Variants in GCLC observed in about 807,000 individuals in gnomAD.
GCLC encodes glutamate-cysteine ligase catalytic subunit, also known as glutamate--cysteine ligase catalytic subunit.
Under a neutral mutation model 81.5 loss-of-function variants are expected in GCLC, and 30 were observed. The observed-to-expected ratio is 0.37, with a 90% confidence interval of 0.28 to 0.50. The LOEUF (loss-of-function observed/expected upper bound fraction) is 0.50. Among genes scored for constraint, GCLC ranks in the 20% least tolerant of loss-of-function variants. GCLC has a pLI of 0.96. For synonymous variants in GCLC, 262 were observed against 273.3 expected, an observed-to-expected ratio of 0.96 and a Z score of 0.41; for missense variants, 556 against 777.4, an observed-to-expected ratio of 0.72 and a Z score of 3.39.
intron 1 of GCLC, among the ~76,000 whole-genome samples, chr6:53,542,068 G>A (rs992787056): frequency 5.3e-5 from 8 of 152,096 alleles, no homozygotes; most frequent in African/African-American, 1.4e-4. Context: ...TATTGCCCAG[G>A]CTGGCCTTCA....
chr6:53,537,748 C>A (rs1024353428), intron 1 of GCLC, among the ~76,000 whole-genome samples: 7 of 151,430 alleles, frequency 4.6e-5, no homozygotes, highest in South Asian at 2.1e-4. Flanking sequence ...TAAAAAAAAA[C>A]CAAAAAACCC....
intron 11 of GCLC, 37 bp from the exon 12 acceptor site, chr6:53,505,533 C>T: frequency 9.3e-7 from 1 of 1,070,888 alleles, no homozygotes; most frequent in East Asian, 2.4e-5. Flanking sequence ...TATGAACCAA[C>T]TACACAAACA....
intron 6 of GCLC, 120 bp downstream of exon 6, chr6:53,514,084 C>T: frequency 1.1e-6 from 1 of 916,580 alleles, no homozygotes; most frequent in Non-Finnish European, 1.8e-6. Flanking sequence ...AAAGGCATAC[C>T]AGCTACCATT....
chr6:53,501,787 TTC>T (rs1401210613), intron 12 of GCLC, among the ~76,000 whole-genome samples: 4 of 152,246 alleles, frequency 2.6e-5, no homozygotes, highest in Non-Finnish European at 4.4e-5. Flanking sequence ...TAATATTTGT[TTC>T]TTTTTTCCTT....
intron 12 of GCLC, among the ~76,000 whole-genome samples, chr6:53,504,288 C>A (rs992641529): frequency 6.6e-6 from 1 of 152,032 alleles, no homozygotes; most frequent in East Asian, 1.9e-4. Flanking sequence ...TGGATTCAAG[C>A]AATCCTCCTG....
Position 53,497,645 on chromosome 6 carries a change from T to C in GCLC, c.*1111A>G, listed in dbSNP as rs1357829227. On this transcript the variant is annotated 3_prime_UTR_variant, in exon 16 of 16. Coordinates refer to ENST00000650454, the MANE Select transcript of GCLC (RefSeq NM_001498.4). ...TTTCAGAAGCAGTTGACTTAACTAG[T>C]TGAGAAAAAAAACAACAAACTTCAA... 2 of 127,666 alleles carry C rather than the reference T, an allele frequency of 1.6e-5. No homozygotes were observed. The highest frequency in any genetic ancestry group is 2.3e-4 in the East Asian group (1 of 4,374). The allele number at this position is 127,666 out of a possible 1,614,324, so 7.9% of individuals were successfully genotyped here.
Position 53,500,091 on chromosome 6 carries a change from T to C in GCLC, c.1656A>G (p.Arg552=), listed in dbSNP as rs1279996340. ...LENMEVDVDT[R]CSILNYLKLI... is the part of the protein sequence containing the mutation. ...GCTTTAGGTAGTTCAGAATACTACA[T>C]CTGGTGTCCACATCCACTTCCATGT... The change falls in exon 15 of 16, where the codon AGA becomes AGG. Residue 552 remains arginine, a synonymous_variant. Coordinates refer to ENST00000650454, the MANE Select transcript of GCLC (RefSeq NM_001498.4). 2 of 1,609,860 alleles carry C rather than the reference T, an allele frequency of 1.2e-6. No individual in the cohort carries two copies. Among genetic ancestry groups the C allele is most frequent in the Non-Finnish European group, 1.7e-6 (2 of 1,176,044 alleles).
At chr6:53,542,248 G>GTCCAA (rs1763370537) in intron 1 of GCLC, among the ~76,000 whole-genome samples, 2 of 152,126 alleles carry the variant, frequency 1.3e-5, no homozygotes, top group Non-Finnish European at 2.9e-5. Flanking sequence ...GAAATGCTGG[G>GTCCAA]TCCAATTTTC....
At chr6:53,540,757 G>A (rs1328400680) in intron 1 of GCLC, among the ~76,000 whole-genome samples, 6 of 151,430 alleles carry the variant, frequency 4.0e-5, no homozygotes, top group Non-Finnish European at 8.8e-5. Flanking sequence ...ACTGAATCAT[G>A]ACCTGCAGTC....
At position 53,521,218 on chromosome 6, in the gene GCLC, G is replaced by A. The variant is rs142956457; in HGVS notation, c.264-258C>T. On this transcript the variant is annotated intron_variant, in intron 2 of 15. Transcript: ENST00000650454. ...CACCCAGGCTGGAGTGCAATGGCAC[G>A]ATCTTGGCTTACTGCAACCTCTGCC... 3.6e-3 allele frequency among the ~76,000 whole-genome samples: 546 copies of A among 152,190 alleles called. 3 individuals carry two copies. Among genetic ancestry groups the A allele is most frequent in the African/African-American group, 0.012 (518 of 41,530 alleles).
intron 8 of GCLC, 117 bp downstream of exon 8, chr6:53,508,478 C>A: frequency 1.3e-6 from 1 of 775,296 alleles, no homozygotes. Flanking sequence ...TAGACCAAAT[C>A]TTTTTCCCCA....
At chr6:53,502,100 C>G (rs1402718480) in intron 12 of GCLC, among the ~76,000 whole-genome samples, 2 of 152,142 alleles carry the variant, frequency 1.3e-5, no homozygotes, top group Admixed American at 6.5e-5. Context: ...GGAACGCATG[C>G]TGTATTATGT....
intron 12 of GCLC, among the ~76,000 whole-genome samples, chr6:53,504,323 T>C (rs948007776): frequency 4.6e-5 from 7 of 152,052 alleles, no homozygotes; most frequent in Non-Finnish European, 1.0e-4. Flanking sequence ...GGAGCAGAGA[T>C]TATAGATTTG....
rs376817182 is a variant in GCLC, at chr6:53,532,091, C to T, written c.151-9564G>A. On this transcript the variant is annotated intron_variant, in intron 1 of 15. Coordinates refer to ENST00000650454, the MANE Select transcript of GCLC (RefSeq NM_001498.4). The stretch of plus-strand genomic sequence containing the variant: ...GCATATGTTTTCTTTAAAAAGTTTA[C>T]ATATACGTGAGTGGAAATCTTTCTA... Among the ~76,000 whole-genome samples, 50 of 152,316 alleles carry T rather than the reference C, an allele frequency of 3.3e-4. 2 individuals carry two copies. Among genetic ancestry groups the T allele is most frequent in the African/African-American group, 1.2e-3 (48 of 41,562 alleles).
chr6:53,527,746 T>C (rs1763107402), intron 1 of GCLC, among the ~76,000 whole-genome samples: 1 of 152,192 alleles, frequency 6.6e-6, no homozygotes. Context: ...CCAGAGGAAG[T>C]GCCATTTAAA....
chr6:53,528,020 A>G (rs1481610092), intron 1 of GCLC, among the ~76,000 whole-genome samples: 2 of 152,182 alleles, frequency 1.3e-5, no homozygotes, highest in Non-Finnish European at 2.9e-5. Flanking sequence ...GTTTCCTCTC[A>G]CAGCAAAATG....
chr6:53,523,258 T>C (rs1177515037), intron 1 of GCLC: 1 of 152,262 alleles, frequency 6.6e-6, no homozygotes, highest in Non-Finnish European at 1.5e-5. Flanking sequence ...AACCTACTTT[T>C]GTTTTTCCTG....
chr6:53,525,374 C>G (rs1219703160), intron 1 of GCLC, among the ~76,000 whole-genome samples: 2 of 152,172 alleles, frequency 1.3e-5, no homozygotes, highest in Non-Finnish European at 2.9e-5. Context: ...GACGCAATAA[C>G]CGAGATGATT....
In GCLC at chr6:53,511,189, G is replaced by GA. The variant is rs1289044756; in HGVS notation, c.754-1940dup. 2.8e-4 allele frequency among the ~76,000 whole-genome samples: 26 copies of GA among 93,306 alleles called. 1 individual carries two copies. The highest frequency in any genetic ancestry group is 1.1e-3 in the East Asian group (3 of 2,624). 61.2% of individuals were successfully genotyped at this position (93,306 alleles called of 152,430 possible). A position where few individuals can be genotyped will look rare whatever the true frequency, so the allele number is the denominator to read the frequency against. On this transcript the variant is annotated intron_variant, in intron 6 of 15. Coordinates refer to ENST00000650454, the MANE Select transcript of GCLC (RefSeq NM_001498.4). ...TAGTGCTTAACAAATGAGAATCTTG[G>GA]AAAAAAAAAAGTGGGGGGGGGGTGC...
Sources: allele counts gnomAD v4.1 joint callset (sites outside exome capture counted in the v4.1 genomes callset), GRCh38; gene constraint gnomAD v4.1.1; transcripts MANE v1.5; gene names NCBI Gene and HGNC (gene_info 2026-07-23, HGNC 2026-07-21).